ADSS2: variants seen among roughly 807,000 people sequenced by gnomAD.
ADSS2 encodes the protein adenylosuccinate synthase 2, also known as adenylosuccinate synthetase isozyme 2.
ADSS2 carries 30 observed loss-of-function variants against 60.0 expected under a neutral mutation model. That is an observed-to-expected ratio of 0.50 (90% CI 0.37 to 0.68). The LOEUF is 0.68. ADSS2 is among the 30% of genes least tolerant of loss of function. The pLI, the probability that ADSS2 is intolerant of heterozygous loss-of-function variation, is 0.00. For synonymous variants in ADSS2, 187 were observed against 193.1 expected (o/e 0.97, Z 0.26); for missense variants, 373 against 554.8 (o/e 0.67, Z 3.29).
intron 1 of ADSS2, among the ~76,000 whole-genome samples, chr1:244,446,721 C>A (rs1465498443): frequency 6.6e-6 from 1 of 152,106 alleles, no homozygotes; most frequent in Non-Finnish European, 1.5e-5. Context: ...TCACACTCAC[C>A]AAACCAGGGT....
chr1:244,442,307 G>A (rs1665268794), intron 1 of ADSS2, among the ~76,000 whole-genome samples: 3 of 151,908 alleles, frequency 2.0e-5, no homozygotes, highest in Admixed American at 6.6e-5. Context: ...ATGACTTTAG[G>A]GGGAAAAATT....
At chr1:244,418,981 C>A in intron 8 of ADSS2, 67 bp from the exon 9 acceptor site, 1 of 1,359,290 alleles carries the variant, frequency 7.4e-7, no homozygotes, top group East Asian at 2.5e-5. Flanking sequence ...ACAGAATTAC[C>A]GTTACAATTC....
intron 3 of ADSS2, 63 bp downstream of exon 3, chr1:244,436,762 A>C (rs1043617909): frequency 1.4e-6 from 2 of 1,415,770 alleles, no homozygotes; most frequent in Admixed American, 1.8e-5. Context: ...TTCGTCTGGC[A>C]TAAGATCCTA....
chr1:244,447,577 C>T (rs1049568373), intron 1 of ADSS2, among the ~76,000 whole-genome samples: 6 of 152,100 alleles, frequency 3.9e-5, no homozygotes, highest in East Asian at 3.9e-4. Context: ...GGTATTCAGT[C>T]GAAATATGTT....
chr1:244,424,047 T>C lies in ADSS2; in HGVS notation c.487A>G (p.Lys163Glu), dbSNP rs1346498699. The change falls in exon 6 of 13, where the codon AAA becomes GAA. Residue 163 changes from lysine to glutamate, a missense_variant. Coordinates refer to ENST00000366535, the MANE Select transcript of ADSS2 (RefSeq NM_001126.5). ...EQAGKNLGTT[K>E]KGIGPVYSSK... Reference sequence around the variant, plus strand: ...GAATAAACTGGGCCAATGCCCTTTTTTGTTGTACCCAAACTTAAAAACAAA... The same window carrying C: ...GAATAAACTGGGCCAATGCCCTTTTCTGTTGTACCCAAACTTAAAAACAAA... The C allele has an allele frequency of 6.2e-7, 1 of 1,611,996 alleles. No individual in the cohort carries two copies. The highest frequency in any genetic ancestry group is 8.5e-7 in the Non-Finnish European group (1 of 1,179,388).
Position 244,432,609 on chromosome 1 carries a change from A to G in ADSS2, c.356-14T>C. 1 of 1,520,264 alleles carries G rather than the reference A, an allele frequency of 6.6e-7. No individual in the cohort carries two copies. The highest frequency in any genetic ancestry group is 9.0e-7 in the Non-Finnish European group (1 of 1,114,378). 94.2% of individuals were successfully genotyped at this position (1,520,264 alleles called of 1,614,324 possible). A position where few individuals can be genotyped will look rare whatever the true frequency, so the allele number is the denominator to read the frequency against. ...AGCCTTCTAGTCCTAGAAAGGGGAAAAAGATATATTTAATTGAATATTTTG... is the reference window on the plus strand; with the variant it reads ...AGCCTTCTAGTCCTAGAAAGGGGAAGAAGATATATTTAATTGAATATTTTG... On this transcript the variant is annotated splice_polypyrimidine_tract_variant and intron_variant, in intron 3 of 12. Transcript: ENST00000366535.
At chr1:244,432,656 ATTTC>A (rs1664973888) in intron 3 of ADSS2, 61 bp from the exon 4 acceptor site, 164 of 709,500 alleles carry the variant, frequency 2.3e-4, no homozygotes, top group Admixed American at 3.8e-4. Flanking sequence ...TAAAATCTTA[ATTTC>A]TTTTTTTTTT....
chr1:244,420,946 A>G (rs1050795715), intron 7 of ADSS2, among the ~76,000 whole-genome samples: 1 of 152,116 alleles, frequency 6.6e-6, no homozygotes, highest in Non-Finnish European at 1.5e-5. Flanking sequence ...CTCAGCCTCC[A>G]AAGTGCTGAA....
At chr1:244,415,205 G>T (rs4658639) in intron 11 of ADSS2, among the ~76,000 whole-genome samples, 3 of 151,918 alleles carry the variant, frequency 2.0e-5, no homozygotes, top group African/African-American at 4.8e-5. Context: ...TGTTCTTTTT[G>T]GTGTTTGAAG....
At chr1:244,430,483 G>A (rs1189371302) in intron 4 of ADSS2, among the ~76,000 whole-genome samples, 5 of 152,244 alleles carry the variant, frequency 3.3e-5, no homozygotes, top group African/African-American at 1.2e-4. Flanking sequence ...TTATTCAAAC[G>A]GCAGGTGTTA....
At chr1:244,436,218 G>A (rs190996184) in intron 3 of ADSS2, among the ~76,000 whole-genome samples, 109 of 152,214 alleles carry the variant, frequency 7.2e-4, no homozygotes, top group African/African-American at 2.3e-3. Flanking sequence ...TTTGTATTAC[G>A]GATGTTTAAC....
At position 244,418,814 on chromosome 1, in the gene ADSS2, C is replaced by T. The variant is rs564571489; in HGVS notation, c.891G>A (p.Val297=). The change falls in exon 9 of 13, where the codon GTG becomes GTA. Residue 297 remains valine, a synonymous_variant. Coordinates refer to ENST00000366535, the MANE Select transcript of ADSS2 (RefSeq NM_001126.5). The part of the protein sequence containing the change: ...PQNVGEVYGV[V]KAYTTRVGIG... ...TACCAACTCTAGTTGTATAAGCTTTCACAACTCCATACACTTCTCCAACAT... is the reference window on the plus strand; with the variant it reads ...TACCAACTCTAGTTGTATAAGCTTTTACAACTCCATACACTTCTCCAACAT... 31 of 1,614,022 alleles carry T rather than the reference C, an allele frequency of 1.9e-5. No individual in the cohort carries two copies. The African/African-American group carries it at 4.0e-4, about 21-fold the overall frequency.
At chr1:244,441,355 G>C (rs1157828415) in intron 1 of ADSS2, among the ~76,000 whole-genome samples, 1 of 152,120 alleles carries the variant, frequency 6.6e-6, no homozygotes, top group Non-Finnish European at 1.5e-5. Context: ...ACTGCGCCCG[G>C]CCAACTTAGT....
intron 1 of ADSS2, among the ~76,000 whole-genome samples, chr1:244,448,801 T>G (rs1192477282): frequency 6.6e-6 from 1 of 152,176 alleles, no homozygotes; most frequent in Non-Finnish European, 1.5e-5. Flanking sequence ...ACTAGTACCT[T>G]TCTCCATCCC....
intron 3 of ADSS2, among the ~76,000 whole-genome samples, chr1:244,434,354 A>C (rs1665029986): frequency 1.4e-5 from 2 of 144,264 alleles, no homozygotes; most frequent in Admixed American, 6.9e-5. Flanking sequence ...CCATGTCTCC[A>C]AAAAAAAAAA....
chr1:244,443,157 A>G (rs1466064509), intron 1 of ADSS2, among the ~76,000 whole-genome samples: 2 of 152,154 alleles, frequency 1.3e-5, no homozygotes, highest in African/African-American at 4.8e-5. Context: ...ATGATGGGAG[A>G]TATTTTGTTG....
rs972841692 is a variant in ADSS2, at chr1:244,451,902, A to C, written c.-85T>G. 4 of 1,343,504 alleles carry C rather than the reference A, an allele frequency of 3.0e-6. No individual in the cohort carries two copies. The highest frequency in any genetic ancestry group is 3.9e-6 in the Non-Finnish European group (4 of 1,023,986). 83.2% of individuals were successfully genotyped at this position (1,343,504 alleles called of 1,614,324 possible). On this transcript the variant is annotated 5_prime_UTR_variant, in exon 1 of 13. An upstream start codon of the reference 5' UTR is lost. Coordinates refer to ENST00000366535, the MANE Select transcript of ADSS2 (RefSeq NM_001126.5). The surrounding 1 kb of genome is among the most constrained non-coding windows in gnomAD (Gnocchi z 6.6). ...GAACTGCTCTGCGGCCGCCAGCCAC[A>C]TGCAGAGGAAGAAGGAGCCAGAGGC...
intron 1 of ADSS2, among the ~76,000 whole-genome samples, chr1:244,445,579 A>G (rs1665364172): frequency 6.6e-6 from 1 of 152,144 alleles, no homozygotes; most frequent in Non-Finnish European, 1.5e-5. Context: ...TATAGAATAA[A>G]ATTTTGGATC....
At chr1:244,427,403 C>T (rs554715191) in intron 4 of ADSS2, among the ~76,000 whole-genome samples, 13 of 151,872 alleles carry the variant, frequency 8.6e-5, no homozygotes, top group Admixed American at 6.6e-4. Flanking sequence ...AATGTTCAAT[C>T]GAAAAGAAAG....
Sources: allele counts gnomAD v4.1 joint callset (sites outside exome capture counted in the v4.1 genomes callset), GRCh38; gene constraint gnomAD v4.1.1; non-coding constraint Gnocchi (gnomAD v3.1); transcripts MANE v1.5; gene names NCBI Gene and HGNC (gene_info 2026-07-23, HGNC 2026-07-21).